Variants in SYNJ1 observed in about 807,000 individuals in gnomAD.
SYNJ1 encodes synaptojanin 1, also known as polyphosphatidylinositol phosphatase SYNJ1.
Under a neutral mutation model 168.2 loss-of-function variants are expected in SYNJ1, and 78 were observed. The ratio of observed to expected loss-of-function variants is 0.46; its 90% CI spans 0.39 to 0.56. The LOEUF (loss-of-function observed/expected upper bound fraction) is 0.56. Among genes scored for constraint, SYNJ1 ranks in the 20% least tolerant of loss-of-function variants. The pLI, the probability that SYNJ1 is intolerant of heterozygous loss-of-function variation, is 0.00. For synonymous variants in SYNJ1, 539 were observed against 548.6 expected (o/e 0.98, Z 0.24); for missense variants, 1,303 against 1,597.6 (o/e 0.82, Z 3.14).
chr21:32,691,919 G>C (rs928792276), intron 6 of SYNJ1, among the ~76,000 whole-genome samples: 7 of 152,178 alleles, frequency 4.6e-5, no homozygotes, highest in Non-Finnish European at 1.0e-4. Flanking sequence ...CTAGAAAACT[G>C]CAAGGCCTGA....
Position 32,727,943 on chromosome 21 carries a change from C to G in SYNJ1, c.-23+3G>C, listed in dbSNP as rs779813770. 2 of 1,532,998 alleles carry G rather than the reference C, an allele frequency of 1.3e-6. No individual in the cohort carries two copies. Among genetic ancestry groups the G allele is most frequent in the East Asian group, 2.5e-5 (1 of 40,604 alleles). The allele number at this position is 1,532,998 out of a possible 1,614,324, so 95.0% of individuals were successfully genotyped here. A position where few individuals can be genotyped will look rare whatever the true frequency, so the allele number is the denominator to read the frequency against. ...GCTCCCCGCCCCCCGCCGGCTTGCTCACCTCTTCCTCCGGCTCCTCCTCCT... is the reference window on the plus strand; with the variant it reads ...GCTCCCCGCCCCCCGCCGGCTTGCTGACCTCTTCCTCCGGCTCCTCCTCCT... On this transcript the variant is annotated splice_donor_region_variant and intron_variant, in intron 1 of 32. Transcript: ENST00000674351.
chr21:32,642,240 T>C (rs2039874081), intron 27 of SYNJ1, 107 bp from the exon 28 acceptor site: 1 of 1,238,274 alleles, frequency 8.1e-7, no homozygotes, highest in South Asian at 1.2e-5. Context: ...AATGGGGGCA[T>C]GAGATGGTAA....
At chr21:32,677,007 T>C (rs1434953863) in intron 12 of SYNJ1, among the ~76,000 whole-genome samples, 2 of 152,220 alleles carry the variant, frequency 1.3e-5, no homozygotes, top group Admixed American at 1.3e-4. Context: ...TAACCATTAA[T>C]AAGGCACTTC....
At chr21:32,647,997 G>C (rs2040136691) in intron 23 of SYNJ1, among the ~76,000 whole-genome samples, 1 of 152,174 alleles carries the variant, frequency 6.6e-6, no homozygotes, top group African/African-American at 2.4e-5. Context: ...TCACAGAGAA[G>C]AGGGAAGTCT....
At chr21:32,666,348 A>G in intron 16 of SYNJ1, 85 bp downstream of exon 16, 1 of 1,533,180 alleles carries the variant, frequency 6.5e-7, no homozygotes, top group Admixed American at 2.2e-5. Context: ...TTTTGTTTGA[A>G]GAACTGAAAC....
chr21:32,726,921 C>T lies in SYNJ1; in HGVS notation c.-22-4G>A, dbSNP rs771283717. The T allele has an allele frequency of 1.2e-6, 2 of 1,613,440 alleles. No individual in the cohort carries two copies. The highest frequency in any genetic ancestry group is 1.7e-6 in the Non-Finnish European group (2 of 1,179,720). ...TCTCCTTTCTTCGGAGGCAGCCCTGCGAAAACCAAGCAAAGCAAAGCAAAT... is the reference window on the plus strand; with the variant it reads ...TCTCCTTTCTTCGGAGGCAGCCCTGTGAAAACCAAGCAAAGCAAAGCAAAT... On this transcript the variant is annotated splice_region_variant and splice_polypyrimidine_tract_variant and intron_variant, in intron 1 of 32. Coordinates refer to ENST00000674351, the MANE Select transcript of SYNJ1 (RefSeq NM_203446.3).
chr21:32,724,866 A>G (rs1601555827), intron 2 of SYNJ1, among the ~76,000 whole-genome samples: 2 of 152,222 alleles, frequency 1.3e-5, no homozygotes, highest in African/African-American at 4.8e-5. Flanking sequence ...AGCTTTACAG[A>G]AAGAGTCAAT....
intron 1 of SYNJ1, among the ~76,000 whole-genome samples, chr21:32,727,481 G>A (rs1027052079): frequency 1.3e-5 from 2 of 152,168 alleles, no homozygotes; most frequent in East Asian, 1.9e-4. Context: ...TCCTGCCCCG[G>A]GCTACCGCCG....
intron 11 of SYNJ1, among the ~76,000 whole-genome samples, chr21:32,679,288 A>G (rs543338519): frequency 6.6e-6 from 1 of 152,310 alleles, no homozygotes; most frequent in East Asian, 1.9e-4. Flanking sequence ...AATAGCTTAC[A>G]TGAGTTAAAA....
At chr21:32,639,468 C>A (rs2039730816) in intron 30 of SYNJ1, among the ~76,000 whole-genome samples, 1 of 152,082 alleles carries the variant, frequency 6.6e-6, no homozygotes, top group Admixed American at 6.6e-5. Context: ...CACGGCTTAC[C>A]ACAGTCTCAA....
chr21:32,697,593 AG>A (rs2042255036), intron 4 of SYNJ1, among the ~76,000 whole-genome samples: 1 of 152,028 alleles, frequency 6.6e-6, no homozygotes, highest in Admixed American at 6.6e-5. Context: ...TGAGGTCAGG[AG>A]TTGGAGACCA....
chr21:32,646,498 T>C lies in SYNJ1; in HGVS notation c.3142A>G (p.Thr1048Ala), dbSNP rs1394419287. The C allele has an allele frequency of 1.2e-6, 2 of 1,613,944 alleles. No homozygotes were observed. The highest frequency in any genetic ancestry group is 1.1e-5 in the South Asian group (1 of 91,064). The change falls in exon 24 of 33, where the codon ACT (threonine) becomes GCT (alanine). Residue 1048 changes from threonine to alanine, a missense_variant. Around this residue, in one of 2 missense-constraint regions of SYNJ1, gnomAD observed 383 missense variants for 388.8 expected, o/e 0.99. Coordinates refer to ENST00000674351, the MANE Select transcript of SYNJ1 (RefSeq NM_203446.3). ...ATTGTAGGTGACTGGCAGGGACTAG[T>C]TCGGGGTGAAGAGCTGGGGGAAGTA... The part of the protein sequence containing the change: ...LGTSPSSSPR[T>A]SPCQSPTISE...
In SYNJ1 at chr21:32,645,789, C is replaced by T. The variant is rs1422168366; in HGVS notation, c.3248G>A (p.Ser1083Asn). The T allele has an allele frequency of 2.0e-6, 3 of 1,480,538 alleles. No individual in the cohort carries two copies. Among genetic ancestry groups the T allele is most frequent in the Non-Finnish European group, 2.7e-6 (3 of 1,112,832 alleles). The allele number at this position is 1,480,538 out of a possible 1,614,324, so 91.7% of individuals were successfully genotyped here. The change falls in exon 25 of 33, where the codon AGT (serine) becomes AAT (asparagine). Residue 1083 changes from serine (S) to asparagine (N), a missense_variant and splice_region_variant. Around this residue, in one of 2 missense-constraint regions of SYNJ1, gnomAD observed 383 missense variants for 388.8 expected, o/e 0.99. Transcript: ENST00000674351. The part of the protein sequence containing the change: ...SRTPGPPSAQ[S>N]SPIDAQPATP... ...TGCTGGCTGCGCGTCAATAGGAGAA[C>T]CTAAAAAGCGCACAGGAGGTAAGAA...
intron 22 of SYNJ1, among the ~76,000 whole-genome samples, chr21:32,652,033 T>G (rs1469623535): frequency 6.6e-6 from 1 of 152,214 alleles, no homozygotes; most frequent in Non-Finnish European, 1.5e-5. Context: ...TATGCTAATA[T>G]TAAGGTTAAG....
At chr21:32,707,307 GAC>G (rs1456719218) in intron 2 of SYNJ1, among the ~76,000 whole-genome samples, 1 of 113,342 alleles carries the variant, frequency 8.8e-6, no homozygotes, top group Admixed American at 1.0e-4. Context: ...TTTTTTTTGA[GAC>G]AGGATCTCAC....
At chr21:32,634,362 A>C (rs1240096309) in intron 32 of SYNJ1, among the ~76,000 whole-genome samples, 2 of 152,182 alleles carry the variant, frequency 1.3e-5, no homozygotes, top group African/African-American at 4.8e-5. Flanking sequence ...TGTTGGAAGG[A>C]CCTTTAGATA....
At chr21:32,669,373 T>C (rs2041088733) in intron 15 of SYNJ1, among the ~76,000 whole-genome samples, 1 of 152,194 alleles carries the variant, frequency 6.6e-6, no homozygotes. Flanking sequence ...CTGGAAAACT[T>C]GTATCTGCTA....
At chr21:32,653,016 T>C (rs1332441898) in intron 22 of SYNJ1, among the ~76,000 whole-genome samples, 2 of 152,226 alleles carry the variant, frequency 1.3e-5, no homozygotes, top group African/African-American at 2.4e-5. Flanking sequence ...TTAAAACTTT[T>C]TGCATCATAA....
At chr21:32,712,372 C>T (rs1337187782) in intron 2 of SYNJ1, among the ~76,000 whole-genome samples, 1 of 152,120 alleles carries the variant, frequency 6.6e-6, no homozygotes, top group Non-Finnish European at 1.5e-5. Context: ...CATCCAAGAT[C>T]ACATAACTAG....
Sources: gnomAD v4.1 joint callset for allele counts (sites outside exome capture counted in the v4.1 genomes callset) on GRCh38, gnomAD v4.1.1 for gene constraint, gnomAD v4.1.1 regional missense constraint, MANE v1.5 for transcripts, NCBI Gene and HGNC (gene_info 2026-07-23, HGNC 2026-07-21) for gene names.